PTPN13: variants seen among roughly 807,000 people sequenced by gnomAD.
PTPN13 encodes tyrosine-protein phosphatase non-receptor type 13.
PTPN13 carries 191 observed loss-of-function variants against 284.0 expected under a neutral mutation model. The observed-to-expected ratio is 0.67, with a 90% CI of 0.60 to 0.76. The LOEUF (loss-of-function observed/expected upper bound fraction) is 0.76, where lower values mean the gene tolerates loss of function less well. PTPN13 is among the 30% of genes least tolerant of loss of function. PTPN13 has a pLI of 0.00. For synonymous variants in PTPN13, 986 were observed against 1,022.3 expected (o/e 0.96, Z 0.68); for missense variants, 2,797 against 2,939.9 (o/e 0.95, Z 1.12).
At chr4:86,708,099 G>A (rs1270518850) in intron 7 of PTPN13, among the ~76,000 whole-genome samples, 1 of 152,166 alleles carries the variant, frequency 6.6e-6, no homozygotes, top group Non-Finnish European at 1.5e-5. Context: ...GTCCAACTCA[G>A]TAGCTACTAG....
chr4:86,772,881 A>G lies in PTPN13; in HGVS notation c.5272A>G (p.Ile1758Val), dbSNP rs1728053021. The G allele has an allele frequency of 6.2e-7, 1 of 1,612,672 alleles. No homozygotes were observed. Among genetic ancestry groups the G allele is most frequent in the Non-Finnish European group, 8.5e-7 (1 of 1,179,076 alleles). ...SSMDKYHIHH[I>V]SEPTRQENWT... ...GATGGATAAGTATCATATACATCAC[A>G]TTTCTGAACCAACTAGACAAGAAAA... The change falls in exon 32 of 48, where the codon ATT becomes GTT. Residue 1758 changes from isoleucine (I) to valine (V), a missense_variant. By Grantham distance (29) the Ile-to-Val change is conservative. Coordinates refer to ENST00000411767, the MANE Select transcript of PTPN13 (RefSeq NM_080683.3).
intron 7 of PTPN13, among the ~76,000 whole-genome samples, chr4:86,706,777 A>G (rs1419285506): frequency 6.6e-6 from 1 of 152,250 alleles, no homozygotes. Flanking sequence ...ATAGTTCTCT[A>G]CATACGTAAA....
At chr4:86,711,579 G>A (rs1305188906) in intron 7 of PTPN13, among the ~76,000 whole-genome samples, 1 of 151,840 alleles carries the variant, frequency 6.6e-6, no homozygotes, top group Non-Finnish European at 1.5e-5. Flanking sequence ...TTCATTTTCT[G>A]TAACTGAAAA....
At chr4:86,711,869 C>G (rs1284576628) in intron 7 of PTPN13, among the ~76,000 whole-genome samples, 3 of 152,082 alleles carry the variant, frequency 2.0e-5, no homozygotes, top group Non-Finnish European at 2.9e-5. Context: ...GCTACACATG[C>G]ATTTAATGTG....
At chr4:86,760,430 G>A (rs1187035791) in intron 23 of PTPN13, among the ~76,000 whole-genome samples, 1 of 152,110 alleles carries the variant, frequency 6.6e-6, no homozygotes, top group Non-Finnish European at 1.5e-5. Flanking sequence ...CCTGAATAAA[G>A]CTCTAAGGGA....
chr4:86,766,573 T>C, intron 27 of PTPN13, 56 bp downstream of exon 27: 1 of 1,253,034 alleles, frequency 8.0e-7, no homozygotes, highest in South Asian at 1.4e-5. Context: ...AAACAATGTG[T>C]GAATAACATC....
rs1316852629 is a variant in PTPN13, at chr4:86,809,809, C to T, written c.7124C>T (p.Ala2375Val). 6.2e-7 allele frequency: 1 copy of T among 1,613,914 alleles called. No homozygotes were observed. The highest frequency in any genetic ancestry group is 8.5e-7 in the Non-Finnish European group (1 of 1,179,898). The change falls in exon 46 of 48, where the codon GCC (alanine) becomes GTC (valine). Residue 2375 changes from alanine to valine, a missense_variant. Ala to Val is a moderately conservative substitution (Grantham distance 64). Coordinates refer to ENST00000411767, the MANE Select transcript of PTPN13 (RefSeq NM_080683.3). Reference sequence around the variant, plus strand: ...CATATTTCTCATCTGAATTTCACTGCCTGGCCAGACCATGATACACCTTCT... The same window carrying T: ...CATATTTCTCATCTGAATTTCACTGTCTGGCCAGACCATGATACACCTTCT... ...VRHISHLNFT[A>V]WPDHDTPSQP... is the part of the protein sequence containing the mutation.
At position 86,627,314 on chromosome 4, in the gene PTPN13, T is replaced by C. The variant is rs142905050; in HGVS notation, c.-5-7938T>C. ...GGTTAAAATAGTAAATTTAACATTGTATATTTTTACCACAATAAAAAAAAT... is the reference window on the plus strand; with the variant it reads ...GGTTAAAATAGTAAATTTAACATTGCATATTTTTACCACAATAAAAAAAAT... On this transcript the variant is annotated intron_variant, in intron 1 of 47. Transcript: ENST00000411767. Among the ~76,000 whole-genome samples, 510 of 152,258 alleles carry C rather than the reference T, an allele frequency of 3.3e-3. 1 individual carries two copies. The highest frequency in any genetic ancestry group is 0.012 in the African/African-American group (492 of 41,560).
intron 2 of PTPN13, among the ~76,000 whole-genome samples, chr4:86,658,012 G>A (rs759121180): frequency 2.6e-5 from 4 of 152,148 alleles, no homozygotes; most frequent in African/African-American, 4.8e-5. Flanking sequence ...CAGCACCAGC[G>A]TTTGCCTGAG....
chr4:86,651,990 T>C (rs1394945190), intron 2 of PTPN13, among the ~76,000 whole-genome samples: 1 of 152,148 alleles, frequency 6.6e-6, no homozygotes, highest in Admixed American at 6.5e-5. Flanking sequence ...GGCAGGAGAA[T>C]TGGATCAGCC....
At chr4:86,810,493 C>T (rs1390496722) in intron 46 of PTPN13, among the ~76,000 whole-genome samples, 1 of 152,004 alleles carries the variant, frequency 6.6e-6, no homozygotes, top group Non-Finnish European at 1.5e-5. Flanking sequence ...CTTTTGAACT[C>T]AAATTAATAT....
chr4:86,646,102 TA>T (rs149697207), intron 2 of PTPN13, among the ~76,000 whole-genome samples: 7,081 of 150,138 alleles, frequency 0.047, 222 homozygotes, highest in African/African-American at 0.062. Context: ...TTAAAGTTCT[TA>T]AAAAAAAATG....
chr4:86,611,760 A>C (rs564855037), intron 1 of PTPN13, among the ~76,000 whole-genome samples: 1 of 152,344 alleles, frequency 6.6e-6, no homozygotes, highest in South Asian at 2.1e-4. Context: ...AGACCAAGGC[A>C]GTTAGAGTTA....
intron 3 of PTPN13, among the ~76,000 whole-genome samples, chr4:86,679,549 C>A (rs1049645335): frequency 2.7e-4 from 41 of 152,196 alleles, no homozygotes; most frequent in Non-Finnish European, 1.5e-5. Flanking sequence ...TTTTATCAGG[C>A]CCTTCAGGTG....
At chr4:86,674,062 A>G (rs1426669266) in intron 3 of PTPN13, among the ~76,000 whole-genome samples, 2 of 152,202 alleles carry the variant, frequency 1.3e-5, no homozygotes, top group Non-Finnish European at 2.9e-5. Context: ...GATTTATTTG[A>G]TGGCATAATG....
Position 86,785,364 on chromosome 4 carries a change from T to G in PTPN13, c.6252T>G (p.Gly2084=), listed in dbSNP as rs1565574321. The change falls in exon 39 of 48, where the codon GGT becomes GGG. Residue 2084 remains glycine, a synonymous_variant. Transcript: ENST00000411767. ...ATAATGCAGCAGGATACTCCTGTGG[T>G]CCAGGTACGTGAACCAGATGAATAA... The part of the protein sequence containing the change: ...NENNAAGYSC[G]PGTLKMNGKL... 6.2e-7 allele frequency: 1 copy of G among 1,609,384 alleles called. No individual in the cohort carries two copies. Among genetic ancestry groups the G allele is most frequent in the Non-Finnish European group, 8.5e-7 (1 of 1,178,026 alleles).
At chr4:86,634,754 T>C (rs1414996576) in intron 1 of PTPN13, among the ~76,000 whole-genome samples, 3 of 152,160 alleles carry the variant, frequency 2.0e-5, no homozygotes, top group Non-Finnish European at 4.4e-5. Context: ...TTATAGTATA[T>C]ATATTGGAGA....
chr4:86,758,132 A>C, intron 20 of PTPN13, 128 bp from the exon 21 acceptor site: 1 of 555,302 alleles, frequency 1.8e-6, no homozygotes, highest in South Asian at 3.3e-5. Flanking sequence ...GTATCAGTAA[A>C]CTTAAAATAT....
intron 40 of PTPN13, among the ~76,000 whole-genome samples, chr4:86,793,136 T>C (rs1345063992): frequency 1.3e-5 from 2 of 152,142 alleles, no homozygotes; most frequent in Non-Finnish European, 2.9e-5. Flanking sequence ...ATGACGTGCA[T>C]AGGCTCAAAA....
Sources: allele counts gnomAD v4.1 joint callset (sites outside exome capture counted in the v4.1 genomes callset), GRCh38; gene constraint gnomAD v4.1.1; transcripts MANE v1.5; gene names NCBI Gene and HGNC (gene_info 2026-07-23, HGNC 2026-07-21).